Variants in CDH13 observed in about 807,000 individuals in gnomAD.
CDH13 encodes the protein cadherin 13, also known as cadherin-13.
CDH13 carries 24 observed loss-of-function variants against 63.8 expected under a neutral mutation model. That is an observed-to-expected ratio of 0.38 (90% CI 0.27 to 0.53). CDH13 has a LOEUF of 0.53. CDH13 is among the 20% of genes least tolerant of loss of function. The pLI, the probability that CDH13 is intolerant of heterozygous loss-of-function variation, is 0.85. For missense variants in CDH13, 1,049 were observed against 903.1 expected, an observed-to-expected ratio of 1.16 and a Z score of -2.07; for synonymous variants, 503 against 355.3, an observed-to-expected ratio of 1.42 and a Z score of -4.67.
chr16:83,238,595 C>T (rs1037042868), intron 5 of CDH13, among the ~76,000 whole-genome samples: 18 of 152,128 alleles, frequency 1.2e-4, no homozygotes, highest in African/African-American at 3.9e-4. Context: ...TTTCTATGTC[C>T]ATAGTGGTCT....
intron 6 of CDH13, among the ~76,000 whole-genome samples, chr16:83,403,831 C>G (rs975099967): frequency 5.3e-5 from 8 of 151,976 alleles, no homozygotes; most frequent in Non-Finnish European, 1.0e-4. Flanking sequence ...GTTCAGTATT[C>G]TATCATGACT....
chr16:82,639,452 C>T lies in CDH13; in HGVS notation c.45+12315C>T. On this transcript the variant is annotated intron_variant, in intron 1 of 13. Transcript: ENST00000567109. ...ATGCCTGGGCGTGACCCACCTGCAG[C>T]TTCAACCATGCAGGTAAATTTGCCT... is the stretch of plus-strand genomic sequence containing the variant. The T allele has an allele frequency of 2.0e-6, 3 of 1,533,192 alleles. 1 individual carries two copies. The highest frequency in any genetic ancestry group is 2.4e-5 in the East Asian group (1 of 40,896). 95.0% of individuals were successfully genotyped at this position (1,533,192 alleles called of 1,614,324 possible).
intron 1 of CDH13, among the ~76,000 whole-genome samples, chr16:82,633,985 A>C (rs979372679): frequency 1.3e-5 from 2 of 152,254 alleles, no homozygotes; most frequent in African/African-American, 4.8e-5. Flanking sequence ...AACAGAAGTC[A>C]AATTCTAGAA....
chr16:83,682,286 C>T lies in CDH13; in HGVS notation c.1538+3825C>T, dbSNP rs866012606. 5.3e-5 allele frequency among the ~76,000 whole-genome samples: 8 copies of T among 151,968 alleles called. No homozygotes were observed. The South Asian group carries it at 1.7e-3, about 32-fold the overall frequency. On this transcript the variant is annotated intron_variant, in intron 10 of 13. Transcript: ENST00000567109. ...AGGGAGGCTCCCTTCTGGGAGTCTT[C>T]CATGATTATTCATAAGGAGGTGGGA...
At chr16:83,635,249 TCTAA>T (rs1489447314) in intron 8 of CDH13, among the ~76,000 whole-genome samples, 2 of 152,106 alleles carry the variant, frequency 1.3e-5, no homozygotes, top group Admixed American at 1.3e-4. Flanking sequence ...TGGTGAAATG[TCTAA>T]CTATGTCTTT....
chr16:83,211,386 T>A (rs943107090), intron 4 of CDH13, among the ~76,000 whole-genome samples: 2 of 152,214 alleles, frequency 1.3e-5, no homozygotes, highest in African/African-American at 2.4e-5. Context: ...AATACACACA[T>A]ATACACATAC....
chr16:83,402,790 C>T (rs2091987616), intron 6 of CDH13, among the ~76,000 whole-genome samples: 1 of 152,160 alleles, frequency 6.6e-6, no homozygotes, highest in Admixed American at 6.5e-5. Context: ...TCTTAGTCTT[C>T]TTGGGATTTA....
intron 3 of CDH13, among the ~76,000 whole-genome samples, chr16:83,118,247 T>C (rs1336095101): frequency 2.6e-5 from 4 of 152,194 alleles, no homozygotes; most frequent in Non-Finnish European, 1.5e-5. Flanking sequence ...TGCCTACGTC[T>C]GTTCCTGTGA....
chr16:82,880,950 G>A (rs182598305), intron 2 of CDH13, among the ~76,000 whole-genome samples: 1 of 152,260 alleles, frequency 6.6e-6, no homozygotes, highest in East Asian at 1.9e-4. Context: ...TAAACTTTGT[G>A]AGAACAATTT....
intron 7 of CDH13, among the ~76,000 whole-genome samples, chr16:83,505,832 A>T (rs1296856113): frequency 1.3e-5 from 2 of 152,198 alleles, no homozygotes; most frequent in South Asian, 2.1e-4. Flanking sequence ...AAAGAGATCC[A>T]GGAAGCAGAT....
chr16:83,624,254 A>G (rs1165860190), intron 8 of CDH13, among the ~76,000 whole-genome samples: 1 of 151,564 alleles, frequency 6.6e-6, no homozygotes, highest in Non-Finnish European at 1.5e-5. Context: ...TCCAAATGCT[A>G]CTCTCATAGA....
intron 2 of CDH13, chr16:82,954,882 T>G (rs1378529506): frequency 6.6e-6 from 1 of 152,196 alleles, no homozygotes; most frequent in African/African-American, 2.4e-5. Context: ...AAACTGAATA[T>G]AATATCTGAT....
At chr16:83,389,867 C>T (rs1001910436) in intron 6 of CDH13, among the ~76,000 whole-genome samples, 2 of 152,208 alleles carry the variant, frequency 1.3e-5, no homozygotes, top group East Asian at 1.9e-4. Context: ...CTACGAAGAA[C>T]ATTGCCCTGT....
intron 4 of CDH13, among the ~76,000 whole-genome samples, chr16:83,195,507 G>A (rs552425568): frequency 1.1e-4 from 16 of 152,130 alleles, no homozygotes; most frequent in African/African-American, 2.7e-4. Context: ...AGAGAGAGAT[G>A]GGGGAGGTGC....
At chr16:83,481,000 C>A (rs2073747827) in intron 6 of CDH13, among the ~76,000 whole-genome samples, 1 of 152,214 alleles carries the variant, frequency 6.6e-6, no homozygotes, top group African/African-American at 2.4e-5. Flanking sequence ...TTTTGAAGCA[C>A]CACTATTAGA....
intron 4 of CDH13, among the ~76,000 whole-genome samples, chr16:83,211,605 G>A (rs1301980299): frequency 6.6e-6 from 1 of 152,138 alleles, no homozygotes; most frequent in Non-Finnish European, 1.5e-5. Context: ...ATGGAACATT[G>A]GCTTTGTCCA....
chr16:83,748,512 C>T (rs191290037), intron 11 of CDH13, among the ~76,000 whole-genome samples: 1 of 152,132 alleles, frequency 6.6e-6, no homozygotes, highest in African/African-American at 2.4e-5. Flanking sequence ...CTTGGGCAGG[C>T]GTGGAGGTTA....
At chr16:83,177,527 A>G (rs1399165385) in intron 4 of CDH13, among the ~76,000 whole-genome samples, 1 of 152,182 alleles carries the variant, frequency 6.6e-6, no homozygotes, top group Non-Finnish European at 1.5e-5. Flanking sequence ...TGTGATGATA[A>G]TAGTACCTGT....
intron 6 of CDH13, among the ~76,000 whole-genome samples, chr16:83,380,120 G>A (rs1032672541): frequency 3.9e-5 from 6 of 151,990 alleles, no homozygotes; most frequent in Non-Finnish European, 7.4e-5. Flanking sequence ...ATTCTTGCGT[G>A]AGGATGAGAG....
Sources: allele counts gnomAD v4.1 joint callset (sites outside exome capture counted in the v4.1 genomes callset), GRCh38; gene constraint gnomAD v4.1.1; transcripts MANE v1.5; gene names NCBI Gene and HGNC (gene_info 2026-07-23, HGNC 2026-07-21).